The following THADA variants were observed in gnomAD, a reference collection of about 807,000 sequenced individuals.
The protein encoded by THADA is THADA armadillo repeat containing, also known as tRNA (32-2'-O)-methyltransferase regulator THADA.
A neutral mutation model predicts 219.8 loss-of-function variants in THADA; 213 were observed. That is an observed-to-expected ratio of 0.97 (90% CI 0.87 to 1.09). The LOEUF is 1.09. Among genes scored for constraint, THADA ranks in the 50% least tolerant of loss-of-function variants. THADA has a pLI of 0.00. For synonymous variants in THADA, 1,018 were observed against 828.9 expected, an observed-to-expected ratio of 1.23 and a Z score of -3.92; for missense variants, 2,956 against 2,311.3, an observed-to-expected ratio of 1.28 and a Z score of -5.72.
chr2:43,291,133 C>A (rs946189977), intron 34 of THADA, among the ~76,000 whole-genome samples: 2 of 151,748 alleles, frequency 1.3e-5, no homozygotes, highest in East Asian at 3.9e-4. Flanking sequence ...GTTCTGTTAT[C>A]CCTTTGAACT....
At chr2:43,235,379 C>T (rs893170124) in intron 36 of THADA, among the ~76,000 whole-genome samples, 12 of 152,228 alleles carry the variant, frequency 7.9e-5, no homozygotes, top group African/African-American at 1.9e-4. Flanking sequence ...CCGCGACCTC[C>T]GCTTCCCAGG....
intron 26 of THADA, among the ~76,000 whole-genome samples, chr2:43,472,130 C>T (rs1459709832): frequency 1.3e-5 from 2 of 152,162 alleles, no homozygotes; most frequent in Non-Finnish European, 2.9e-5. Flanking sequence ...ATAAAAAATG[C>T]CATGGATGTC....
At chr2:43,594,354 T>G (rs940164252) in intron 1 of THADA, among the ~76,000 whole-genome samples, 1 of 151,848 alleles carries the variant, frequency 6.6e-6, no homozygotes, top group South Asian at 2.1e-4. Flanking sequence ...CCGAGGCGGG[T>G]GGATCTCCTG....
intron 36 of THADA, among the ~76,000 whole-genome samples, chr2:43,268,535 C>G (rs930675260): frequency 6.6e-6 from 1 of 152,166 alleles, no homozygotes; most frequent in Non-Finnish European, 1.5e-5. Context: ...ACAAGGAAGC[C>G]CAGGCTTTCA....
rs140461800 is a variant in THADA at position 43,559,951 on chromosome 2, A to G, written c.2463+283T>C. On this transcript the variant is annotated intron_variant, in intron 16 of 37. Coordinates refer to ENST00000405975, the MANE Select transcript of THADA (RefSeq NM_022065.5). ...AAACCACAGTTAACTAAAATCTACCAATAATCTTGTAAACAATAAAACCTA... is the reference window on the plus strand; with the variant it reads ...AAACCACAGTTAACTAAAATCTACCGATAATCTTGTAAACAATAAAACCTA... 7.6e-4 allele frequency among the ~76,000 whole-genome samples: 116 copies of G among 152,342 alleles called. 1 individual carries two copies. The highest frequency in any genetic ancestry group is 2.8e-3 in the African/African-American group (116 of 41,580).
intron 36 of THADA, among the ~76,000 whole-genome samples, chr2:43,269,840 C>T (rs150385130): frequency 5.6e-4 from 85 of 152,278 alleles, no homozygotes; most frequent in South Asian, 3.5e-3. Context: ...GAACACACAG[C>T]CAGCTACGGA....
intron 28 of THADA, among the ~76,000 whole-genome samples, chr2:43,404,545 G>A (rs1292310085): frequency 6.6e-6 from 1 of 151,874 alleles, no homozygotes; most frequent in Non-Finnish European, 1.5e-5. Context: ...TCTGTGATCA[G>A]AATCAATCAC....
chr2:43,411,415 C>T (rs1573520141), intron 28 of THADA, among the ~76,000 whole-genome samples: 1 of 152,158 alleles, frequency 6.6e-6, no homozygotes, highest in South Asian at 2.1e-4. Flanking sequence ...ATTTGTTGGG[C>T]CAGCTTTAAT....
chr2:43,460,391 T>C (rs763654368), intron 26 of THADA, among the ~76,000 whole-genome samples: 4 of 152,002 alleles, frequency 2.6e-5, no homozygotes, highest in Non-Finnish European at 5.9e-5. Flanking sequence ...CACTATTCTG[T>C]CCATGCAAAG....
At chr2:43,373,797 ACT>A (rs1671069311) in intron 29 of THADA, among the ~76,000 whole-genome samples, 1 of 152,008 alleles carries the variant, frequency 6.6e-6, no homozygotes, top group African/African-American at 2.4e-5. Flanking sequence ...AAGTATTTAA[ACT>A]CTCTATTGGA....
chr2:43,273,294 G>C (rs1272455052), intron 36 of THADA, among the ~76,000 whole-genome samples: 1 of 151,158 alleles, frequency 6.6e-6, no homozygotes, highest in Non-Finnish European at 1.5e-5. Context: ...AGAAGAAAAA[G>C]AAATGATGGA....
At chr2:43,437,504 C>A (rs889144003) in intron 26 of THADA, among the ~76,000 whole-genome samples, 1 of 152,108 alleles carries the variant, frequency 6.6e-6, no homozygotes, top group Non-Finnish European at 1.5e-5. Flanking sequence ...CTGGTAGTAA[C>A]CTTAATTAAA....
chr2:43,349,908 G>GT (rs1280947095), intron 29 of THADA, among the ~76,000 whole-genome samples: 1 of 152,150 alleles, frequency 6.6e-6, no homozygotes, highest in African/African-American at 2.4e-5. Context: ...TAAAATTTCT[G>GT]TATCTGCCAT....
At position 43,430,296 on chromosome 2, in the gene THADA, T is replaced by C. The variant is rs1376694698; in HGVS notation, c.3843A>G (p.Thr1281=). Residue 1281 remains threonine (T), a synonymous_variant, in exon 27 of 38, where the codon ACA becomes ACG. Coordinates refer to ENST00000405975, the MANE Select transcript of THADA (RefSeq NM_022065.5). The part of the protein sequence containing the change: ...KDEHSKTNRM[T]GREFFSRFPE... ...GGAAACGAGAGAAAAACTCTCTCCC[T>C]GTCATTCTGTGAAAGAAGGAGGAAA... The C allele has an allele frequency of 4.6e-6, 7 of 1,536,082 alleles. No homozygotes were observed. The highest frequency in any genetic ancestry group is 3.4e-4 in the Middle Eastern group (2 of 5,938).
At chr2:43,478,261 T>C (rs1182102600) in intron 26 of THADA, among the ~76,000 whole-genome samples, 1 of 152,194 alleles carries the variant, frequency 6.6e-6, no homozygotes, top group East Asian at 1.9e-4. Flanking sequence ...ATTTCCAAAC[T>C]GTACATTACT....
chr2:43,470,979 A>C (rs1684840705), intron 26 of THADA, among the ~76,000 whole-genome samples: 1 of 152,196 alleles, frequency 6.6e-6, no homozygotes, highest in African/African-American at 2.4e-5. Flanking sequence ...CTGAGGGACA[A>C]AAGACTGACC....
chr2:43,527,951 A>G lies in THADA; in HGVS notation c.3302T>C (p.Leu1101Ser), dbSNP rs1309689196. 6.2e-7 allele frequency: 1 copy of G among 1,613,522 alleles called. No individual in the cohort carries two copies. Among genetic ancestry groups the G allele is most frequent in the Non-Finnish European group, 8.5e-7 (1 of 1,179,700 alleles). Residue 1101 changes from leucine (L) to serine (S), a missense_variant, in exon 22 of 38, where the codon TTG (leucine) becomes TCG (serine). Leu to Ser is a moderately radical substitution (Grantham distance 145, BLOSUM62 -2). Coordinates refer to ENST00000405975, the MANE Select transcript of THADA (RefSeq NM_022065.5). ...AAATGCTCCTCTGTGCCTGGACTGC[A>G]AAAGGTGTTGTTTAAAGTAATCTCC... ...EIGDYFKQHL[L>S]QSRHRGAFEL...
At chr2:43,284,867 A>G (rs754944802) in intron 35 of THADA, among the ~76,000 whole-genome samples, 4 of 152,230 alleles carry the variant, frequency 2.6e-5, no homozygotes, top group Non-Finnish European at 4.4e-5. Flanking sequence ...CTGCATCAGC[A>G]TGCCCTGGAT....
chr2:43,296,387 T>C (rs538400536), intron 31 of THADA, among the ~76,000 whole-genome samples: 93 of 152,152 alleles, frequency 6.1e-4, no homozygotes, highest in Non-Finnish European at 1.1e-3. Context: ...GTAATTCTCC[T>C]GTCTCAGCCT....
Sources: gnomAD v4.1 joint callset for allele counts (sites outside exome capture counted in the v4.1 genomes callset) on GRCh38, gnomAD v4.1.1 for gene constraint, MANE v1.5 for transcripts, NCBI Gene and HGNC (gene_info 2026-07-23, HGNC 2026-07-21) for gene names.